Variants in SYT9 observed in about 807,000 individuals in gnomAD.
SYT9 encodes synaptotagmin 9, also known as synaptotagmin-9.
In SYT9, 22 loss-of-function variants were observed where a neutral mutation model predicts 48.4. The observed-to-expected ratio is 0.45, with a 90% CI of 0.32 to 0.65. The LOEUF (loss-of-function observed/expected upper bound fraction) is 0.65. Among genes scored for constraint, SYT9 ranks in the 30% least tolerant of loss-of-function variants. The probability of loss-of-function intolerance (pLI) is 0.03; values close to 1 mark genes in which losing one functional copy is unlikely to be tolerated. For synonymous variants in SYT9, 265 were observed against 245.0 expected (o/e 1.08, Z -0.76); for missense variants, 577 against 622.0 (o/e 0.93, Z 0.77).
intron 3 of SYT9, among the ~76,000 whole-genome samples, chr11:7,333,868 G>A (rs1336915938): frequency 2.0e-5 from 3 of 152,176 alleles, no homozygotes; most frequent in African/African-American, 4.8e-5. Context: ...CCCTCTTGGG[G>A]CTTTTGGTTT....
chr11:7,415,518 T>G (rs1847225747), intron 3 of SYT9, among the ~76,000 whole-genome samples: 1 of 151,832 alleles, frequency 6.6e-6, no homozygotes, highest in African/African-American at 2.4e-5. Flanking sequence ...TGTGGGGTGG[T>G]GTGGAAACCT....
At chr11:7,461,028 A>C (rs1252540761) in intron 6 of SYT9, among the ~76,000 whole-genome samples, 1 of 152,104 alleles carries the variant, frequency 6.6e-6, no homozygotes, top group Non-Finnish European at 1.5e-5. Context: ...TGAATTAATA[A>C]GGCAAGTTTC....
chr11:7,406,559 T>TATATATATATATATATATATAC (rs922664189), intron 3 of SYT9, among the ~76,000 whole-genome samples: 2 of 146,680 alleles, frequency 1.4e-5, no homozygotes, highest in African/African-American at 5.1e-5. Flanking sequence ...TATATATATA[T>TATATATATATATATATATATAC]ATATATATAG....
chr11:7,445,669 G>T (rs1463239423), intron 6 of SYT9, among the ~76,000 whole-genome samples: 3 of 152,056 alleles, frequency 2.0e-5, no homozygotes, highest in Admixed American at 6.6e-5. Flanking sequence ...GTCACTTTTT[G>T]TTTTTTTCTA....
At chr11:7,355,215 C>T (rs1849995554) in intron 3 of SYT9, among the ~76,000 whole-genome samples, 4 of 152,186 alleles carry the variant, frequency 2.6e-5, no homozygotes, top group East Asian at 3.9e-4. Context: ...TCCCAGCAGG[C>T]ACAAGTGCCA....
intron 6 of SYT9, among the ~76,000 whole-genome samples, chr11:7,423,965 C>A (rs557142964): frequency 9.2e-5 from 14 of 152,076 alleles, no homozygotes; most frequent in Non-Finnish European, 1.8e-4. Context: ...TGTGAGTGTG[C>A]ACTCATGAGC....
At chr11:7,391,509 T>C (rs1846609615) in intron 3 of SYT9, among the ~76,000 whole-genome samples, 1 of 152,090 alleles carries the variant, frequency 6.6e-6, no homozygotes, top group Non-Finnish European at 1.5e-5. Flanking sequence ...CTGATTAGTG[T>C]GAGAGAGTAT....
intron 1 of SYT9, among the ~76,000 whole-genome samples, chr11:7,241,248 AC>A (rs5789505): frequency 4.1e-5 from 6 of 147,280 alleles, no homozygotes; most frequent in Middle Eastern, 3.2e-3. Flanking sequence ...GCACACACTC[AC>A]CCCCCCCACA....
chr11:7,383,113 G>T (rs191622235), intron 3 of SYT9, among the ~76,000 whole-genome samples: 3 of 152,318 alleles, frequency 2.0e-5, no homozygotes, highest in East Asian at 1.9e-4. Flanking sequence ...TGAGAAAATA[G>T]GATGATCAAA....
intron 3 of SYT9, among the ~76,000 whole-genome samples, chr11:7,343,741 C>T (rs1373623588): frequency 6.6e-6 from 1 of 152,052 alleles, no homozygotes; most frequent in Non-Finnish European, 1.5e-5. Flanking sequence ...TGTATTAGTT[C>T]GTTTTCACAC....
intron 6 of SYT9, chr11:7,440,463 T>G (rs1456255746): frequency 6.6e-6 from 1 of 152,204 alleles, no homozygotes; most frequent in Non-Finnish European, 1.5e-5. Context: ...AGAAGTTTCA[T>G]GGAGACCCAA....
chr11:7,245,363 G>C (rs927615108), intron 1 of SYT9, among the ~76,000 whole-genome samples: 3 of 151,750 alleles, frequency 2.0e-5, no homozygotes, highest in Non-Finnish European at 4.4e-5. Flanking sequence ...TATCATTCAG[G>C]GACATTGTAG....
chr11:7,283,819 T>G (rs1025547366), intron 1 of SYT9, among the ~76,000 whole-genome samples: 6 of 152,186 alleles, frequency 3.9e-5, no homozygotes, highest in Non-Finnish European at 5.9e-5. Context: ...CATTGACACT[T>G]GTTAGGAACT....
chr11:7,369,794 A>ACACACACACACACAC (rs1564879645), intron 3 of SYT9, among the ~76,000 whole-genome samples: 1 of 143,894 alleles, frequency 6.9e-6, no homozygotes, highest in Non-Finnish European at 1.5e-5. Context: ...CACACACACA[A>ACACACACACACACAC]ACACACACAC....
intron 1 of SYT9, among the ~76,000 whole-genome samples, chr11:7,274,033 G>A (rs1398050169): frequency 2.0e-5 from 3 of 152,258 alleles, no homozygotes; most frequent in Admixed American, 6.5e-5. Context: ...AAATCTGCAC[G>A]TTCTGCACAT....
At chr11:7,392,458 C>T (rs535137070) in intron 3 of SYT9, among the ~76,000 whole-genome samples, 3 of 152,098 alleles carry the variant, frequency 2.0e-5, no homozygotes, top group Non-Finnish European at 4.4e-5. Flanking sequence ...TTGCAATGGT[C>T]TGTATGTCTA....
chr11:7,252,152 G>T lies in SYT9; in HGVS notation c.-35G>T, dbSNP rs1358059053. The T allele has an allele frequency of 7.2e-7, 1 of 1,389,704 alleles. No individual in the cohort carries two copies. Among genetic ancestry groups the T allele is most frequent in the Admixed American group, 3.3e-5 (1 of 30,656 alleles). 86.1% of individuals were successfully genotyped at this position (1,389,704 alleles called of 1,614,324 possible). ...AGGCGGAGGGCTGTCTCCTGCGCCC[G>T]CCTGCCCGGCGCGGTCCGAGGATGC... On this transcript the variant is annotated 5_prime_UTR_variant, in exon 1 of 7. Coordinates refer to ENST00000318881, the MANE Select transcript of SYT9 (RefSeq NM_175733.4). This position sits in a 1 kb window ranked among gnomAD's most constrained non-coding sequence, Gnocchi z 6.3.
upstream of SYT9, among the ~76,000 whole-genome samples, chr11:7,249,889 A>G (rs1264801028): frequency 6.6e-6 from 1 of 152,134 alleles, no homozygotes; most frequent in Non-Finnish European, 1.5e-5. Context: ...TTCTCTTTAA[A>G]CTATATTTGA....
At chr11:7,365,250 C>T (rs187159594) in intron 3 of SYT9, among the ~76,000 whole-genome samples, 36 of 151,844 alleles carry the variant, frequency 2.4e-4, no homozygotes, top group African/African-American at 6.0e-4. Context: ...ACAAATGATT[C>T]GTTGGGAAAA....
Sources: gnomAD v4.1 joint callset for allele counts (sites outside exome capture counted in the v4.1 genomes callset) on GRCh38, gnomAD v4.1.1 for gene constraint, Gnocchi (gnomAD v3.1) non-coding constraint, MANE v1.5 for transcripts, NCBI Gene and HGNC (gene_info 2026-07-23, HGNC 2026-07-21) for gene names.